Variants in CFAP263 observed in about 807,000 individuals in gnomAD.
CFAP263 encodes cilia and flagella associated protein 263.
the CFAP263 span, among the ~76,000 whole-genome samples, chr16:58,268,935 A>T: frequency 1.3e-5 from 2 of 152,204 alleles, no homozygotes; most frequent in Admixed American, 1.3e-4. Flanking sequence ...TTTAAAGTGT[A>T]CAGTTCAGTG....
chr16:58,261,113 G>A, the CFAP263 span, among the ~76,000 whole-genome samples: 5 of 152,090 alleles, frequency 3.3e-5, no homozygotes, highest in South Asian at 8.3e-4. Context: ...AGTTCACATC[G>A]GAGAGCAAGC....
the CFAP263 span, among the ~76,000 whole-genome samples, chr16:58,262,768 TA>T: frequency 8.2e-6 from 1 of 122,572 alleles, no homozygotes; most frequent in East Asian, 3.3e-4. Context: ...GATAGGTAGA[TA>T]GATAGATAGA....
At chr16:58,269,653 A>G in the CFAP263 span, among the ~76,000 whole-genome samples, 1 of 152,176 alleles carries the variant, frequency 6.6e-6, no homozygotes, top group East Asian at 1.9e-4. Flanking sequence ...TGTATCATGT[A>G]TCATTTGTTT....
chr16:58,259,725 C>T, the CFAP263 span: 2 of 568,088 alleles, frequency 3.5e-6, no homozygotes, highest in Non-Finnish European at 6.2e-6. Flanking sequence ...AGTAAAAGGA[C>T]CTAAAATAAG....
the CFAP263 span, chr16:58,250,135 G>T: frequency 6.6e-7 from 1 of 1,505,648 alleles, no homozygotes; most frequent in East Asian, 2.4e-5. Context: ...CCCGCGCCTG[G>T]GGGCCGCCCC....
the CFAP263 span, among the ~76,000 whole-genome samples, chr16:58,254,315 C>T: frequency 6.6e-6 from 1 of 152,152 alleles, no homozygotes; most frequent in African/African-American, 2.4e-5. Flanking sequence ...GAACTTACCA[C>T]CTGCTTGTGG....
chr16:58,256,118 C>T, the CFAP263 span, among the ~76,000 whole-genome samples: 2 of 152,228 alleles, frequency 1.3e-5, no homozygotes, highest in African/African-American at 2.4e-5. Context: ...CGCAGAATCA[C>T]ACTCGTCTCA....
the CFAP263 span, among the ~76,000 whole-genome samples, chr16:58,264,906 C>T: frequency 6.6e-6 from 1 of 152,324 alleles, no homozygotes; most frequent in East Asian, 1.9e-4. Flanking sequence ...CAAGGGTAGG[C>T]ACTGGGCTGA....
the CFAP263 span, among the ~76,000 whole-genome samples, chr16:58,252,205 C>CA: frequency 1.3e-5 from 2 of 151,706 alleles, no homozygotes; most frequent in South Asian, 4.2e-4. Flanking sequence ...ACCACCTCTA[C>CA]AAAAAAAATT....
the CFAP263 span, chr16:58,279,673 T>TC: frequency 1.3e-6 from 2 of 1,496,110 alleles, no homozygotes. Context: ...TTTCTTTTTT[T>TC]CTTTTTTTTT....
the CFAP263 span, chr16:58,278,340 C>T: frequency 1.4e-6 from 1 of 731,272 alleles, no homozygotes; most frequent in Admixed American, 2.9e-5. Context: ...TTGTGATTCC[C>T]ACCCCTCCCC....
At chr16:58,280,114 G>C in the CFAP263 span, 13 of 1,121,976 alleles carry the variant, frequency 1.2e-5, no homozygotes, top group Admixed American at 3.0e-4. Flanking sequence ...GGGCTTATCC[G>C]TGGCAGCCCC....
the CFAP263 span, chr16:58,250,092 G>A: frequency 1.3e-6 from 2 of 1,586,946 alleles, no homozygotes; most frequent in South Asian, 1.1e-5. Flanking sequence ...TTATCCAGCT[G>A]TGCGGGCTGG....
the CFAP263 span, among the ~76,000 whole-genome samples, chr16:58,261,697 A>G: frequency 2.0e-5 from 3 of 152,156 alleles, no homozygotes; most frequent in Non-Finnish European, 4.4e-5. Flanking sequence ...TTGTTTTGGG[A>G]AGGGGAAGAA....
At chr16:58,280,694 C>T in the CFAP263 span, 172,348 of 1,614,026 alleles carry the variant, frequency 0.11, 9,594 homozygotes, top group Admixed American at 0.13. Context: ...AAGTTCAGGA[C>T]TCCTCTCAGA....
At chr16:58,271,379 C>CATCAGTACA in the CFAP263 span, among the ~76,000 whole-genome samples, 1 of 152,198 alleles carries the variant, frequency 6.6e-6, no homozygotes, top group Non-Finnish European at 1.5e-5. Context: ...TAACCTCTTA[C>CATCAGTACA]ATCAGTACAA....
the CFAP263 span, among the ~76,000 whole-genome samples, chr16:58,264,674 G>A: frequency 1.3e-5 from 2 of 152,158 alleles, no homozygotes; most frequent in Non-Finnish European, 2.9e-5. Flanking sequence ...TAAAGCAAGT[G>A]CTTAGCCAAT....
the CFAP263 span, among the ~76,000 whole-genome samples, chr16:58,277,136 A>T: frequency 0.73 from 109,827 of 151,440 alleles, 40,683 homozygotes; most frequent in African/African-American, 0.89. Context: ...ATTTTTTTTT[A>T]AATTTTTTTT....
At chr16:58,250,634 G>A in the CFAP263 span, among the ~76,000 whole-genome samples, 2 of 151,972 alleles carry the variant, frequency 1.3e-5, no homozygotes, top group African/African-American at 4.8e-5. Context: ...GCGTGGTGGC[G>A]CGTGCCTGTA....
Sources: allele counts gnomAD v4.1 joint callset (sites outside exome capture counted in the v4.1 genomes callset), GRCh38; gene constraint gnomAD v4.1.1; transcripts MANE v1.5; gene names NCBI Gene and HGNC (gene_info 2026-07-23, HGNC 2026-07-21).